DBF4: variants seen among roughly 807,000 people sequenced by gnomAD.
DBF4 encodes protein DBF4 homolog A.
In DBF4, 25 loss-of-function variants were observed where a neutral mutation model predicts 76.6. The ratio of observed to expected loss-of-function variants is 0.33; its 90% CI spans 0.24 to 0.46. The LOEUF (loss-of-function observed/expected upper bound fraction) is 0.46. Ranked by LOEUF, DBF4 falls within the 20% of genes least tolerant of loss-of-function variation. The pLI is 1.00. For missense variants in DBF4, 638 were observed against 760.8 expected, an observed-to-expected ratio of 0.84 and a Z score of 1.90; for synonymous variants, 213 against 258.0, an observed-to-expected ratio of 0.83 and a Z score of 1.67.
intron 10 of DBF4, 26 bp downstream of exon 10, chr7:87,900,904 G>C (rs767426807): frequency 1.3e-6 from 2 of 1,579,652 alleles, no homozygotes; most frequent in African/African-American, 2.7e-5. Flanking sequence ...TATTTTGGGG[G>C]CTTGTTTCGA....
rs1377090555 is a variant in DBF4 at position 87,907,465 on chromosome 7, G to T, written c.1327G>T (p.Asp443Tyr). The change falls in exon 12 of 12, where the codon GAC becomes TAC. Residue 443 changes from aspartate to tyrosine, a missense_variant. Asp to Tyr is a radical substitution (Grantham distance 160). Coordinates refer to ENST00000265728, the MANE Select transcript of DBF4 (RefSeq NM_006716.4). ...TTCCATGTTAAGTACAGCTGAAGATGACATAAGACAGAATTTTACACAGCT... is the reference window on the plus strand; with the variant it reads ...TTCCATGTTAAGTACAGCTGAAGATTACATAAGACAGAATTTTACACAGCT... ...KCSMLSTAED[D>Y]IRQNFTQLPL... 6.2e-7 allele frequency: 1 copy of T among 1,613,954 alleles called. No individual in the cohort carries two copies. Among genetic ancestry groups the T allele is most frequent in the Admixed American group, 1.7e-5 (1 of 60,000 alleles).
Position 87,900,265 on chromosome 7 carries a change from T to C in DBF4, c.725T>C (p.Ile242Thr), listed in dbSNP as rs1839742491. Residue 242 changes from isoleucine (I) to threonine (T), a missense_variant, in exon 9 of 12, where the codon ATA becomes ACA. Ile to Thr is a moderately conservative substitution (Grantham distance 89). Coordinates refer to ENST00000265728, the MANE Select transcript of DBF4 (RefSeq NM_006716.4). ...FYLQLTNMPFINYSIQKPCSP... is the reference protein window; with the variant it reads ...FYLQLTNMPFTNYSIQKPCSP... ...CTTCAGCTGACCAATATGCCTTTTA[T>C]AAATTATTCTATTCAGAAGCCCTGC... The C allele has an allele frequency of 1.2e-6, 2 of 1,604,994 alleles. No homozygotes were observed. The highest frequency in any genetic ancestry group is 4.5e-5 in the East Asian group (2 of 44,562).
rs1192581822 is a variant in DBF4 at position 87,907,625 on chromosome 7, G to A, written c.1487G>A (p.Ser496Asn). 1.2e-6 allele frequency: 2 copies of A among 1,614,000 alleles called. No individual in the cohort carries two copies. The highest frequency in any genetic ancestry group is 1.7e-6 in the Non-Finnish European group (2 of 1,179,944). Reference protein sequence around the residue: ...IQASVHVSDFSTDNSGSQPKQ... With the variant: ...IQASVHVSDFNTDNSGSQPKQ... ...GCATCTGTACATGTTTCTGATTTCAGTACAGATAATAGTGGATCTCAACCA... is the reference window on the plus strand; with the variant it reads ...GCATCTGTACATGTTTCTGATTTCAATACAGATAATAGTGGATCTCAACCA... Residue 496 changes from serine to asparagine, a missense_variant, in exon 12 of 12, where the codon AGT (serine) becomes AAT (asparagine). Coordinates refer to ENST00000265728, the MANE Select transcript of DBF4 (RefSeq NM_006716.4).
intron 6 of DBF4, among the ~76,000 whole-genome samples, chr7:87,888,653 A>G (rs1839418148): frequency 6.6e-6 from 1 of 152,104 alleles, no homozygotes; most frequent in Non-Finnish European, 1.5e-5. Flanking sequence ...ATCCCTACCT[A>G]CCTATTATCT....
At chr7:87,896,939 C>G (rs956310911) in intron 7 of DBF4, among the ~76,000 whole-genome samples, 14 of 152,146 alleles carry the variant, frequency 9.2e-5, no homozygotes, top group African/African-American at 2.9e-4. Context: ...GCATCAAAGT[C>G]GCAGGTACTG....
chr7:87,887,490 A>G, intron 5 of DBF4, 92 bp downstream of exon 5: 2 of 1,352,534 alleles, frequency 1.5e-6, no homozygotes, highest in South Asian at 2.8e-5. Context: ...AAATTTTGAT[A>G]GCAGGGATGT....
At position 87,907,402 on chromosome 7, in the gene DBF4, G is replaced by A; in HGVS notation, c.1264G>A (p.Glu422Lys). 1.2e-6 allele frequency: 2 copies of A among 1,613,988 alleles called. No homozygotes were observed. Among genetic ancestry groups the A allele is most frequent in the Non-Finnish European group, 1.7e-6 (2 of 1,179,942 alleles). The part of the protein sequence containing the change: ...ISEPIPHPSN[E>K]LRGLNEKMSN... Reference sequence around the variant, plus strand: ...AGAGCCCATCCCCCACCCTTCAAATGAATTGAGAGGGCTTAATGAGAAAAT... The same window carrying A: ...AGAGCCCATCCCCCACCCTTCAAATAAATTGAGAGGGCTTAATGAGAAAAT... Residue 422 changes from glutamate (E) to lysine (K), a missense_variant, in exon 12 of 12, where the codon GAA (glutamate) becomes AAA (lysine). Physicochemically the swap from Glu to Lys is moderately conservative, Grantham distance 56 (BLOSUM62 1). Transcript: ENST00000265728.
chr7:87,900,477 CT>C, intron 9 of DBF4, 128 bp downstream of exon 9: 4 of 1,128,386 alleles, frequency 3.5e-6, no homozygotes, highest in Non-Finnish European at 3.7e-6. Context: ...ATTCTGATTA[CT>C]TTTATAAGTC....
chr7:87,884,814 A>T (rs776995066), intron 2 of DBF4, among the ~76,000 whole-genome samples, 165 bp from the exon 3 acceptor site: 1 of 152,166 alleles, frequency 6.6e-6, no homozygotes, highest in African/African-American at 2.4e-5. Context: ...GCATGTGCCT[A>T]TAGTCCCAGC....
rs752219311 is a variant in DBF4 at position 87,888,013 on chromosome 7, A to C, written c.551A>C (p.Lys184Thr). 1.3e-6 allele frequency: 2 copies of C among 1,560,596 alleles called. No homozygotes were observed. The highest frequency in any genetic ancestry group is 4.6e-5 in the East Asian group (2 of 43,256). ...DIRYYIEQKK[K>T]ELYLLKKSST... is the part of the protein sequence containing the mutation. ...AGATACTACATTGAACAAAAGAAAA[A>C]AGAGTTGTATTTACTCAAGAAATCA... Residue 184 changes from lysine (K) to threonine (T), a missense_variant, in exon 6 of 12, where the codon AAA becomes ACA. By Grantham distance (78) the Lys-to-Thr change is moderately conservative. Transcript: ENST00000265728.
At position 87,909,348 on chromosome 7, in the gene DBF4, A is replaced by G. The variant is rs1450516011; in HGVS notation, c.*1185A>G. On this transcript the variant is annotated 3_prime_UTR_variant, in exon 12 of 12. Transcript: ENST00000265728. ...GTTCTATTGCATAGTACATGAATCTATTGTCACTAAAAATTAGGTTACTAA... is the reference window on the plus strand; with the variant it reads ...GTTCTATTGCATAGTACATGAATCTGTTGTCACTAAAAATTAGGTTACTAA... 2.0e-5 allele frequency: 3 copies of G among 152,204 alleles called. No homozygotes were observed. The highest frequency in any genetic ancestry group is 4.4e-5 in the Non-Finnish European group (3 of 68,034). 9.4% of individuals were successfully genotyped at this position (152,204 alleles called of 1,614,324 possible).
At chr7:87,896,054 T>G (rs1430119051) in intron 6 of DBF4, 1 of 162,736 alleles carries the variant, frequency 6.1e-6, no homozygotes, top group African/African-American at 2.4e-5. Flanking sequence ...TTATTCAGTG[T>G]TGTCCAGAGT....
intron 10 of DBF4, among the ~76,000 whole-genome samples, 170 bp downstream of exon 10, chr7:87,901,048 C>G (rs1391473279): frequency 6.6e-6 from 1 of 152,120 alleles, no homozygotes. Context: ...CTACTACATA[C>G]TGATCACTAC....
intron 9 of DBF4, 105 bp from the exon 10 acceptor site, chr7:87,900,657 GTC>G (rs1839754763): frequency 1.1e-6 from 1 of 919,518 alleles, no homozygotes; most frequent in East Asian, 2.4e-5. Context: ...GCTGATACAA[GTC>G]TCTGCAAATT....
intron 2 of DBF4, 59 bp downstream of exon 2, chr7:87,878,284 G>T (rs893432395): frequency 2.3e-5 from 30 of 1,311,926 alleles, no homozygotes; most frequent in Middle Eastern, 2.0e-4. Flanking sequence ...ACTTTCTACT[G>T]TGTAATCATT....
At position 87,876,561 on chromosome 7, in the gene DBF4, T is replaced by A. The variant is rs1839041020; in HGVS notation, c.-172T>A. 1 of 668,766 alleles carries A rather than the reference T, an allele frequency of 1.5e-6. No homozygotes were observed. Among genetic ancestry groups the A allele is most frequent in the Non-Finnish European group, 2.6e-6 (1 of 386,694 alleles). 41.4% of individuals were successfully genotyped at this position (668,766 alleles called of 1,614,324 possible). A position where few individuals can be genotyped will look rare whatever the true frequency, so the allele number is the denominator to read the frequency against. On this transcript the variant is annotated 5_prime_UTR_variant, in exon 1 of 12. Coordinates refer to ENST00000265728, the MANE Select transcript of DBF4 (RefSeq NM_006716.4). ...TCCTCCTCCGCGCCTTGGAGCCGGA[T>A]CCGGCCCCGGAAACCCGACCTGCAG... is the stretch of plus-strand genomic sequence containing the variant.
intron 1 of DBF4, 99 bp downstream of exon 1, chr7:87,876,877 T>G (rs1839062978): frequency 2.2e-6 from 3 of 1,337,124 alleles, no homozygotes; most frequent in Admixed American, 3.8e-5. Flanking sequence ...GTCCTCAGCT[T>G]CTTTTCTTCT....
chr7:87,887,895 C>CT (rs1562759457), intron 5 of DBF4, 88 bp from the exon 6 acceptor site: 2 of 1,250,498 alleles, frequency 1.6e-6, no homozygotes, highest in Non-Finnish European at 2.2e-6. Flanking sequence ...ATGGTAAATT[C>CT]TTTATCTAAT....
At chr7:87,904,223 C>T (rs1383854347) in intron 10 of DBF4, 69 bp from the exon 11 acceptor site, 2 of 1,481,820 alleles carry the variant, frequency 1.3e-6, no homozygotes, top group Non-Finnish European at 1.8e-6. Context: ...TGTTAGAAAA[C>T]CTTAATTAAA....
Sources: gnomAD v4.1 joint callset for allele counts (sites outside exome capture counted in the v4.1 genomes callset) on GRCh38, gnomAD v4.1.1 for gene constraint, MANE v1.5 for transcripts, NCBI Gene and HGNC (gene_info 2026-07-23, HGNC 2026-07-21) for gene names.